The following SORCS3 variants were observed in gnomAD, a reference collection of about 807,000 sequenced individuals.
SORCS3 encodes VPS10 domain-containing receptor SorCS3.
SORCS3 carries 57 observed loss-of-function variants against 146.3 expected under a neutral mutation model. The ratio of observed to expected loss-of-function variants is 0.39; its 90% CI spans 0.31 to 0.49. The LOEUF (loss-of-function observed/expected upper bound fraction) is 0.49, where lower values mean the gene tolerates loss of function less well. Ranked by LOEUF, SORCS3 falls within the 20% of genes least tolerant of loss-of-function variation. The pLI is 0.92. For missense variants in SORCS3, 1,341 were observed against 1,575.5 expected (o/e 0.85, Z 2.52); for synonymous variants, 653 against 618.5 (o/e 1.06, Z -0.83).
At chr10:105,226,101 G>A (rs1445791758) in intron 20 of SORCS3, among the ~76,000 whole-genome samples, 1 of 151,730 alleles carries the variant, frequency 6.6e-6, no homozygotes, top group East Asian at 1.9e-4. Context: ...ATATTGAATA[G>A]GAGTGGTGAA....
Position 105,164,337 on chromosome 10 carries a change from T to A in SORCS3, c.1767T>A (p.Ile589=). 6.2e-7 allele frequency: 1 copy of A among 1,613,758 alleles called. No individual in the cohort carries two copies. Among genetic ancestry groups the A allele is most frequent in the Non-Finnish European group, 8.5e-7 (1 of 1,179,754 alleles). Residue 589 remains isoleucine, a synonymous_variant, in exon 12 of 27, where the codon ATT becomes ATA. Transcript: ENST00000369701. ...GCCCGGAGCTCTCATATACTGATAT[T>A]GGTGTGTTCATCTCCTCCGATGGGG... is the stretch of plus-strand genomic sequence containing the variant. The part of the protein sequence containing the change: ...NIGPELSYTD[I]GVFISSDGGN...
chr10:105,028,699 C>T (rs536881248), intron 4 of SORCS3, among the ~76,000 whole-genome samples: 8 of 152,162 alleles, frequency 5.3e-5, no homozygotes, highest in South Asian at 2.1e-4. Context: ...ACAGGGTGGT[C>T]GTGGGGATTA....
chr10:105,107,151 G>A (rs1210426690), intron 7 of SORCS3, among the ~76,000 whole-genome samples: 3 of 152,172 alleles, frequency 2.0e-5, no homozygotes, highest in East Asian at 1.9e-4. Context: ...ACAGTTTGTG[G>A]CACAACCCCC....
At chr10:105,132,476 A>G (rs1354083497) in intron 7 of SORCS3, among the ~76,000 whole-genome samples, 1 of 152,214 alleles carries the variant, frequency 6.6e-6, no homozygotes, top group Non-Finnish European at 1.5e-5. Flanking sequence ...TGTGACAGAA[A>G]TAGGCTCAAC....
chr10:105,153,667 G>A (rs1052077441), intron 9 of SORCS3, among the ~76,000 whole-genome samples: 1 of 151,950 alleles, frequency 6.6e-6, no homozygotes, highest in Non-Finnish European at 1.5e-5. Context: ...GTGTGTGTGT[G>A]TGTGTGTTTG....
intron 1 of SORCS3, among the ~76,000 whole-genome samples, chr10:104,645,699 C>T (rs2015487611): frequency 6.6e-6 from 1 of 152,160 alleles, no homozygotes; most frequent in Non-Finnish European, 1.5e-5. Flanking sequence ...ATCACCCTGC[C>T]CTGAGCGTAC....
intron 1 of SORCS3, among the ~76,000 whole-genome samples, chr10:104,839,438 C>T (rs910876916): frequency 5.9e-5 from 9 of 152,110 alleles, no homozygotes; most frequent in African/African-American, 2.2e-4. Context: ...AATGATAGAG[C>T]ATGAAAGAAA....
intron 1 of SORCS3, among the ~76,000 whole-genome samples, chr10:104,690,922 T>C (rs560476304): frequency 6.6e-6 from 1 of 152,354 alleles, no homozygotes; most frequent in Admixed American, 6.5e-5. Context: ...GCTGTTTCTA[T>C]GTGTTTGACC....
At chr10:104,940,238 A>ATATATATT (rs1435205868) in intron 3 of SORCS3, among the ~76,000 whole-genome samples, 10 of 31,518 alleles carry the variant, frequency 3.2e-4, no homozygotes, top group East Asian at 2.1e-3. Context: ...ATATATATAT[A>ATATATATT]TTTTTTTTTT....
intron 3 of SORCS3, among the ~76,000 whole-genome samples, chr10:104,937,058 G>A (rs1322390093): frequency 2.0e-5 from 3 of 152,196 alleles, no homozygotes; most frequent in Non-Finnish European, 4.4e-5. Flanking sequence ...GATTTCAGAT[G>A]AAACTGTTCT....
chr10:105,181,581 A>T lies in SORCS3; in HGVS notation c.2009+3408A>T, dbSNP rs565620572. On this transcript the variant is annotated intron_variant, in intron 14 of 26. Coordinates refer to ENST00000369701, the MANE Select transcript of SORCS3 (RefSeq NM_014978.3). ...ACACCGTAGCTTTGCAGGAGGATTT[A>T]CATGGGAGACAGTCCCCAGAGTGGA... Among the ~76,000 whole-genome samples the T allele has an allele frequency of 1.2e-4, 19 of 152,324 alleles. No individual in the cohort carries two copies. In the East Asian group the frequency reaches 3.7e-3, roughly 29 times the overall value.
chr10:104,810,310 G>A (rs545909344), intron 1 of SORCS3, among the ~76,000 whole-genome samples: 4 of 152,224 alleles, frequency 2.6e-5, no homozygotes, highest in South Asian at 4.1e-4. Context: ...GTTAACATAC[G>A]TGTACATTTA....
At chr10:104,914,370 A>G (rs1017378873) in intron 2 of SORCS3, among the ~76,000 whole-genome samples, 2 of 152,116 alleles carry the variant, frequency 1.3e-5, no homozygotes, top group African/African-American at 2.4e-5. Context: ...GGTGCAGAAA[A>G]GAGAGGAGCG....
At chr10:105,094,699 A>G (rs1262741380) in intron 6 of SORCS3, among the ~76,000 whole-genome samples, 1 of 152,212 alleles carries the variant, frequency 6.6e-6, no homozygotes. Context: ...TGAATCATAA[A>G]TGAGATTGAG....
At position 105,174,536 on chromosome 10, in the gene SORCS3, G is replaced by A. The variant is rs547318147; in HGVS notation, c.1902-3530G>A. Among the ~76,000 whole-genome samples, 4 of 151,872 alleles carry A rather than the reference G, an allele frequency of 2.6e-5. No homozygotes were observed. The South Asian group carries it at 8.3e-4, about 32-fold the overall frequency. On this transcript the variant is annotated intron_variant, in intron 13 of 26. Coordinates refer to ENST00000369701, the MANE Select transcript of SORCS3 (RefSeq NM_014978.3). The stretch of plus-strand genomic sequence containing the variant: ...TAAGTTTTCTAATGTTATTTTTTTT[G>A]GAGTTTCTTTAGGGAGTTTTATTCT...
chr10:105,083,758 C>T (rs368919646), intron 5 of SORCS3, among the ~76,000 whole-genome samples: 1 of 152,152 alleles, frequency 6.6e-6, no homozygotes, highest in Non-Finnish European at 1.5e-5. Context: ...ACTTCCAGTT[C>T]ATGTAGTCTA....
chr10:105,212,031 C>T (rs2119642615), intron 17 of SORCS3, among the ~76,000 whole-genome samples: 1 of 152,252 alleles, frequency 6.6e-6, no homozygotes, highest in East Asian at 1.9e-4. Flanking sequence ...GTTCTGGATG[C>T]CAGTCTTAAC....
intron 1 of SORCS3, among the ~76,000 whole-genome samples, chr10:104,715,361 GGAGTTTCTGGTTCTT>G (rs2016464247): frequency 6.6e-6 from 1 of 152,158 alleles, no homozygotes; most frequent in African/African-American, 2.4e-5. Flanking sequence ...TTTGGATGTT[GGAGTTTCTGGTTCTT>G]GAGCCTTTGG....
chr10:105,018,662 A>G (rs2055181828), intron 4 of SORCS3, among the ~76,000 whole-genome samples: 2 of 152,336 alleles, frequency 1.3e-5, no homozygotes, highest in African/African-American at 2.4e-5. Context: ...AAAACAAAAT[A>G]TAGCAATAAT....
Sources: allele counts gnomAD v4.1 joint callset (sites outside exome capture counted in the v4.1 genomes callset), GRCh38; gene constraint gnomAD v4.1.1; transcripts MANE v1.5; gene names NCBI Gene and HGNC (gene_info 2026-07-23, HGNC 2026-07-21).